Variants in RERG observed in about 807,000 individuals in gnomAD.
The protein encoded by RERG is ras-related and estrogen-regulated growth inhibitor.
Under a neutral mutation model 23.2 loss-of-function variants are expected in RERG, and 25 were observed. The observed-to-expected ratio is 1.08, with a 90% CI of 0.79 to 1.50. The LOEUF is 1.50. Among genes scored for constraint, RERG ranks in the 40% most tolerant of loss-of-function variants. RERG has a pLI of 0.00. For missense variants in RERG, 253 were observed against 250.1 expected (o/e 1.01, Z -0.08); for synonymous variants, 81 against 89.1 (o/e 0.91, Z 0.51).
intron 2 of RERG, among the ~76,000 whole-genome samples, chr12:15,130,140 T>C (rs1436597830): frequency 6.6e-6 from 1 of 152,202 alleles, no homozygotes; most frequent in Admixed American, 6.5e-5. Context: ...CTATCTATCA[T>C]ACATACACAA....
At chr12:15,146,166 C>T (rs1024709447) in intron 2 of RERG, among the ~76,000 whole-genome samples, 2 of 152,128 alleles carry the variant, frequency 1.3e-5, no homozygotes, top group Admixed American at 1.3e-4. Context: ...TTGTGATTAT[C>T]AAATGCCATA....
At chr12:15,163,150 C>T (rs1864638043) in intron 2 of RERG, among the ~76,000 whole-genome samples, 1 of 152,058 alleles carries the variant, frequency 6.6e-6, no homozygotes, top group Non-Finnish European at 1.5e-5. Context: ...TCAACAATGC[C>T]AGAAGCACTA....
intron 2 of RERG, among the ~76,000 whole-genome samples, chr12:15,191,840 G>A (rs1434172852): frequency 6.6e-6 from 1 of 152,106 alleles, no homozygotes; most frequent in Non-Finnish European, 1.5e-5. Context: ...ATAGATCCAT[G>A]CACTTCTCTT....
chr12:15,120,064 T>C (rs1251368921), intron 3 of RERG, among the ~76,000 whole-genome samples: 3 of 152,102 alleles, frequency 2.0e-5, no homozygotes, highest in Non-Finnish European at 4.4e-5. Flanking sequence ...GCATTGGAAG[T>C]AGTGGAGAAA....
chr12:15,167,839 G>C (rs1046236095), intron 2 of RERG, among the ~76,000 whole-genome samples: 4 of 152,080 alleles, frequency 2.6e-5, no homozygotes, highest in African/African-American at 9.7e-5. Context: ...GCTATTAAAA[G>C]TGAACAGTTT....
chr12:15,212,216 C>T (rs1264049434), intron 2 of RERG, among the ~76,000 whole-genome samples: 3 of 148,974 alleles, frequency 2.0e-5, no homozygotes, highest in Non-Finnish European at 4.5e-5. Context: ...CCCGCCACCG[C>T]GCCCGGCTAA....
At chr12:15,206,549 A>C (rs1480073592) in intron 2 of RERG, among the ~76,000 whole-genome samples, 1 of 152,148 alleles carries the variant, frequency 6.6e-6, no homozygotes, top group East Asian at 1.9e-4. Flanking sequence ...TCACTGAAGA[A>C]CTTGTTAGAA....
intron 2 of RERG, among the ~76,000 whole-genome samples, chr12:15,169,522 T>C (rs1265463485): frequency 4.0e-5 from 6 of 151,442 alleles, no homozygotes; most frequent in Non-Finnish European, 8.9e-5. Context: ...AGACACAGAC[T>C]GGAATCTACA....
intron 2 of RERG, among the ~76,000 whole-genome samples, chr12:15,169,812 A>T (rs1591656480): frequency 6.6e-6 from 1 of 152,110 alleles, no homozygotes. Flanking sequence ...TTTGACTCTT[A>T]ATGATTAAAC....
chr12:15,142,915 G>T (rs1387502134), intron 2 of RERG, among the ~76,000 whole-genome samples: 2 of 152,172 alleles, frequency 1.3e-5, no homozygotes, highest in Middle Eastern at 3.2e-3. Flanking sequence ...CTTTCTTCTA[G>T]CTGTTCCAAA....
Position 15,111,232 on chromosome 12 carries a change from G to A in RERG, c.192+112C>T, listed in dbSNP as rs1248323455. 10 of 723,160 alleles carry A rather than the reference G, an allele frequency of 1.4e-5. No individual in the cohort carries two copies. In the East Asian group the frequency reaches 1.8e-4, roughly 13 times the overall value. 44.8% of individuals were successfully genotyped at this position (723,160 alleles called of 1,614,324 possible). A position where few individuals can be genotyped will look rare whatever the true frequency, so the allele number is the denominator to read the frequency against. On this transcript the variant is annotated intron_variant, in intron 4 of 4. Coordinates refer to ENST00000256953, the MANE Select transcript of RERG (RefSeq NM_032918.3). ...AATGGCTAGTTAATTAGAGAAAAAG[G>A]TTTTAGGCATGCAAAAGTTAGTTGA...
At chr12:15,199,249 T>A (rs1008764077) in intron 2 of RERG, among the ~76,000 whole-genome samples, 1 of 152,176 alleles carries the variant, frequency 6.6e-6, no homozygotes, top group African/African-American at 2.4e-5. Context: ...GTACTCTTTT[T>A]CAATGTAAAT....
In RERG at chr12:15,108,101, ATTC is replaced by A. The variant is rs780992298; in HGVS notation, c.*1006_*1008del. 8 of 152,582 alleles carry A rather than the reference ATTC, an allele frequency of 5.2e-5. No individual in the cohort carries two copies. Among genetic ancestry groups the A allele is most frequent in the Non-Finnish European group, 8.8e-5 (6 of 68,018 alleles). The allele number at this position is 152,582 out of a possible 1,614,324, so 9.5% of individuals were successfully genotyped here. A position where few individuals can be genotyped will look rare whatever the true frequency, so the allele number is the denominator to read the frequency against. On this transcript the variant is annotated 3_prime_UTR_variant, in exon 5 of 5. Transcript: ENST00000256953. Reference sequence around the variant, plus strand: ...CAGCTGTAATGAACTTTAATCACCCATTCTTTTCTGAATTCTCCTAAGTGAGTT... The same window carrying A: ...CAGCTGTAATGAACTTTAATCACCCATTTTCTGAATTCTCCTAAGTGAGTT...
chr12:15,155,469 G>A (rs1864508225), intron 2 of RERG, among the ~76,000 whole-genome samples: 1 of 152,182 alleles, frequency 6.6e-6, no homozygotes, highest in Non-Finnish European at 1.5e-5. Context: ...CCTGTGGCCT[G>A]CTGACACAGG....
rs1417805899 is a variant in RERG at position 15,109,249 on chromosome 12, C to G, written c.461G>C (p.Gly154Ala). The stretch of plus-strand genomic sequence containing the variant: ...TTCATAGAATATCTCTGTGATGTTC[C>G]CTTCTCCAGTGCAGGCAGAGCACTC... ...FYECSACTGE[G>A]NITEIFYELC... The change falls in exon 5 of 5, where the codon GGG (glycine) becomes GCG (alanine). Residue 154 changes from glycine to alanine, a missense_variant. Physicochemically the swap from Gly to Ala is moderately conservative, Grantham distance 60 (BLOSUM62 0). Coordinates refer to ENST00000256953, the MANE Select transcript of RERG (RefSeq NM_032918.3). 6.2e-7 allele frequency: 1 copy of G among 1,614,128 alleles called. No individual in the cohort carries two copies. Among genetic ancestry groups the G allele is most frequent in the South Asian group, 1.1e-5 (1 of 91,076 alleles).
At chr12:15,135,576 T>C (rs753241438) in intron 2 of RERG, among the ~76,000 whole-genome samples, 1 of 152,170 alleles carries the variant, frequency 6.6e-6, no homozygotes, top group Non-Finnish European at 1.5e-5. Context: ...GAGAAAGTTC[T>C]CCTCTATCCC....
intron 2 of RERG, chr12:15,137,928 A>ATT: frequency 5.1e-6 from 2 of 389,484 alleles, no homozygotes; most frequent in Admixed American, 2.9e-5. Flanking sequence ...GTATCGTATC[A>ATT]TTTTTTTTTC....
intron 2 of RERG, among the ~76,000 whole-genome samples, chr12:15,128,812 T>C (rs1007412265): frequency 6.6e-6 from 1 of 152,172 alleles, no homozygotes; most frequent in African/African-American, 2.4e-5. Context: ...TTCAGCTCCT[T>C]CTTCTTCCCT....
chr12:15,139,206 T>C (rs1864195250), intron 2 of RERG, among the ~76,000 whole-genome samples: 1 of 152,108 alleles, frequency 6.6e-6, no homozygotes, highest in Admixed American at 6.5e-5. Flanking sequence ...TGTTCATGAA[T>C]ACCATGCTGT....
Sources: gnomAD v4.1 joint callset for allele counts (sites outside exome capture counted in the v4.1 genomes callset) on GRCh38, gnomAD v4.1.1 for gene constraint, MANE v1.5 for transcripts, NCBI Gene and HGNC (gene_info 2026-07-23, HGNC 2026-07-21) for gene names.